The following ENY2 variants were observed in gnomAD, a reference collection of about 807,000 sequenced individuals.
ENY2 encodes ENY2 transcription and export complex 2 subunit, also known as transcription and mRNA export factor ENY2.
ENY2 carries 4 observed loss-of-function variants against 15.9 expected under a neutral mutation model. That is an observed-to-expected ratio of 0.25 (90% CI 0.12 to 0.57). The LOEUF is 0.57. Among genes scored for constraint, ENY2 ranks in the 20% least tolerant of loss-of-function variants. The pLI is 0.91. For missense variants in ENY2, 54 were observed against 117.2 expected (o/e 0.46, Z 2.49); for synonymous variants, 48 against 38.0 (o/e 1.26, Z -0.97).
At chr8:109,339,596 A>T in intron 3 of ENY2, 1 of 458,820 alleles carries the variant, frequency 2.2e-6, no homozygotes, top group Admixed American at 3.9e-5. Flanking sequence ...AAGCGTGAGC[A>T]CTTAAGATTT....
Position 109,345,853 on chromosome 8 carries a change from C to T in ENY2, c.*2372C>T, listed in dbSNP as rs1816233026. Reference sequence around the variant, plus strand: ...AAATGATAGTGCTGAGAACTCCCCACCTCTACCCCACCACCTGTAGGCTTC... The same window carrying T: ...AAATGATAGTGCTGAGAACTCCCCATCTCTACCCCACCACCTGTAGGCTTC... On this transcript the variant is annotated 3_prime_UTR_variant, in exon 5 of 5. Coordinates refer to ENST00000521688, the MANE Select transcript of ENY2 (RefSeq NM_020189.6). 1.3e-5 allele frequency: 2 copies of T among 152,146 alleles called. No individual in the cohort carries two copies. The highest frequency in any genetic ancestry group is 2.4e-5 in the African/African-American group (1 of 41,432). The allele number at this position is 152,146 out of a possible 1,614,324, so 9.4% of individuals were successfully genotyped here. A position where few individuals can be genotyped will look rare whatever the true frequency, so the allele number is the denominator to read the frequency against.
At chr8:109,340,838 G>A (rs375218548) in intron 4 of ENY2, 13 of 313,638 alleles carry the variant, frequency 4.1e-5, no homozygotes, top group East Asian at 3.2e-4. Flanking sequence ...ATTCTGCAGT[G>A]TCAAATACTA....
At chr8:109,342,668 C>G in intron 4 of ENY2, 1 of 696,204 alleles carries the variant, frequency 1.4e-6, no homozygotes, top group East Asian at 2.7e-5. Context: ...CCACCATGCT[C>G]CACTAATTTT....
intron 2 of ENY2, among the ~76,000 whole-genome samples, chr8:109,338,183 C>T (rs986250099): frequency 2.6e-5 from 4 of 152,060 alleles, no homozygotes; most frequent in Non-Finnish European, 5.9e-5. Flanking sequence ...AGGGAAGAAG[C>T]AGGGAGACAA....
intron 2 of ENY2, chr8:109,336,416 T>C (rs998325087): frequency 3.9e-6 from 2 of 510,600 alleles, no homozygotes; most frequent in Non-Finnish European, 7.0e-6. Flanking sequence ...GAGCAAGATA[T>C]GGCTCTTAAA....
At chr8:109,340,840 C>T in intron 4 of ENY2, 1 of 308,972 alleles carries the variant, frequency 3.2e-6, no homozygotes, top group East Asian at 6.6e-5. Context: ...TCTGCAGTGT[C>T]AAATACTACA....
chr8:109,335,900 C>T lies in ENY2; in HGVS notation c.7-228C>T, dbSNP rs961535075. ...TTATTAATATAAATATGTAACAATA[C>T]GTTCTGGGAATTAAATGTGATGTTT... On this transcript the variant is annotated intron_variant, in intron 1 of 4. Coordinates refer to ENST00000521688, the MANE Select transcript of ENY2 (RefSeq NM_020189.6). 8.1e-5 allele frequency: 28 copies of T among 346,718 alleles called. 1 individual carries two copies. The highest frequency in any genetic ancestry group is 1.2e-4 in the Non-Finnish European group (23 of 193,264). 21.5% of individuals were successfully genotyped at this position (346,718 alleles called of 1,614,324 possible).
At chr8:109,334,615 C>G (rs1586322960) in intron 1 of ENY2, 141 bp downstream of exon 1, 2 of 980,010 alleles carry the variant, frequency 2.0e-6, no homozygotes, top group African/African-American at 3.4e-5. Flanking sequence ...CGGAGTTGGC[C>G]TGAAACCAGT....
At chr8:109,338,086 G>A (rs190799850) in intron 2 of ENY2, among the ~76,000 whole-genome samples, 1 of 152,122 alleles carries the variant, frequency 6.6e-6, no homozygotes, top group Non-Finnish European at 1.5e-5. Context: ...GATCATGTAG[G>A]CTGTAATAAA....
At chr8:109,336,336 C>T (rs1448650737) in intron 2 of ENY2, 132 bp downstream of exon 2, 3 of 806,828 alleles carry the variant, frequency 3.7e-6, no homozygotes, top group Non-Finnish European at 5.7e-6. Flanking sequence ...CTATTCCGAA[C>T]ATCTGGAAAA....
At chr8:109,342,164 CTT>C (rs66571830) in intron 4 of ENY2, among the ~76,000 whole-genome samples, 4,133 of 130,930 alleles carry the variant, frequency 0.032, 77 homozygotes, top group Non-Finnish European at 0.046. Flanking sequence ...TAACCCCCCC[CTT>C]TTTTTTTTTT....
At chr8:109,336,889 C>T (rs1368956989) in intron 2 of ENY2, among the ~76,000 whole-genome samples, 1 of 151,956 alleles carries the variant, frequency 6.6e-6, no homozygotes, top group Non-Finnish European at 1.5e-5. Flanking sequence ...TCAAGAAAGG[C>T]TCCCAGAGGC....
At chr8:109,340,025 A>G (rs1317867250) in intron 3 of ENY2, among the ~76,000 whole-genome samples, 1 of 152,210 alleles carries the variant, frequency 6.6e-6, no homozygotes, top group Non-Finnish European at 1.5e-5. Flanking sequence ...ATAGATTTTC[A>G]TCACTGAAAG....
intron 2 of ENY2, among the ~76,000 whole-genome samples, chr8:109,337,166 G>A (rs1474788647): frequency 6.6e-6 from 1 of 151,634 alleles, no homozygotes; most frequent in African/African-American, 2.4e-5. Flanking sequence ...GGACAAGATA[G>A]ATGGCAGAAA....
rs573841834 is a variant in ENY2, at chr8:109,344,964, C to T, written c.*1483C>T. ...TCAATGTAGAATGAAACTCATTCAG[C>T]ATTAACACATAGGCCCTTCTTGATC... On this transcript the variant is annotated 3_prime_UTR_variant, in exon 5 of 5. Transcript: ENST00000521688. 2 of 152,282 alleles carry T rather than the reference C, an allele frequency of 1.3e-5. No individual in the cohort carries two copies. Among genetic ancestry groups the T allele is most frequent in the South Asian group, 4.1e-4 (2 of 4,830 alleles). 9.4% of individuals were successfully genotyped at this position (152,282 alleles called of 1,614,324 possible). A position where few individuals can be genotyped will look rare whatever the true frequency, so the allele number is the denominator to read the frequency against.
At chr8:109,340,279 G>A in intron 3 of ENY2, 1 of 569,266 alleles carries the variant, frequency 1.8e-6, no homozygotes, top group East Asian at 3.4e-5. Context: ...TTAGTTGCTG[G>A]TTATTTAGCT....
rs187155945 is a variant in ENY2, at chr8:109,336,348, A to T, written c.83+144A>T. On this transcript the variant is annotated intron_variant, in intron 2 of 4. Coordinates refer to ENST00000521688, the MANE Select transcript of ENY2 (RefSeq NM_020189.6). ...TTTCTATTCCGAACATCTGGAAAAA[A>T]TAATTTAGGTTTGTTAAGTATTGCA... The T allele has an allele frequency of 1.3e-5, 10 of 750,806 alleles. No individual in the cohort carries two copies. The African/African-American group carries it at 1.6e-4, about 12-fold the overall frequency. 46.5% of individuals were successfully genotyped at this position (750,806 alleles called of 1,614,324 possible).
intron 4 of ENY2, 163 bp downstream of exon 4, chr8:109,340,726 A>C: frequency 1.3e-6 from 1 of 743,878 alleles, no homozygotes; most frequent in Non-Finnish European, 2.2e-6. Context: ...ATAGTCTGGG[A>C]GTAACAAATG....
At chr8:109,340,042 G>T (rs1586328523) in intron 3 of ENY2, among the ~76,000 whole-genome samples, 1 of 152,280 alleles carries the variant, frequency 6.6e-6, no homozygotes, top group African/African-American at 2.4e-5. Context: ...AAAGAATAGA[G>T]CTGGATTTCA....
Sources: gnomAD v4.1 joint callset for allele counts (sites outside exome capture counted in the v4.1 genomes callset) on GRCh38, gnomAD v4.1.1 for gene constraint, MANE v1.5 for transcripts, NCBI Gene and HGNC (gene_info 2026-07-23, HGNC 2026-07-21) for gene names.